The following GPC5 variants were observed in gnomAD, a reference collection of about 807,000 sequenced individuals.
GPC5 encodes the protein glypican 5, also known as glypican-5.
GPC5 carries 47 observed loss-of-function variants against 53.9 expected under a neutral mutation model. The ratio of observed to expected loss-of-function variants is 0.87; its 90% CI spans 0.69 to 1.11. The LOEUF (loss-of-function observed/expected upper bound fraction) is 1.11, where lower values mean the gene tolerates loss of function less well. Among genes scored for constraint, GPC5 ranks in the 50% most tolerant of loss-of-function variants. GPC5 has a pLI of 0.00. For missense variants in GPC5, 748 were observed against 713.1 expected (o/e 1.05, Z -0.56); for synonymous variants, 286 against 263.3 (o/e 1.09, Z -0.84).
chr13:92,565,336 T>A (rs1882830886), intron 7 of GPC5, among the ~76,000 whole-genome samples: 1 of 152,114 alleles, frequency 6.6e-6, no homozygotes, highest in African/African-American at 2.4e-5. Flanking sequence ...TTTATTTCTT[T>A]TCTTAAAGAT....
chr13:91,495,123 T>C (rs1473931003), intron 2 of GPC5, among the ~76,000 whole-genome samples: 1 of 152,224 alleles, frequency 6.6e-6, no homozygotes, highest in East Asian at 1.9e-4. Flanking sequence ...AATTCTATTC[T>C]GAAGTCATCC....
intron 6 of GPC5, among the ~76,000 whole-genome samples, chr13:92,028,597 C>T (rs774545608): frequency 2.0e-5 from 3 of 152,202 alleles, no homozygotes; most frequent in East Asian, 3.9e-4. Context: ...TATTTGGCTT[C>T]GGATTTCAGC....
intron 2 of GPC5, among the ~76,000 whole-genome samples, chr13:91,613,206 C>A (rs901741113): frequency 5.9e-5 from 9 of 152,152 alleles, no homozygotes; most frequent in African/African-American, 2.2e-4. Flanking sequence ...CACATCCCGG[C>A]AATTTATAAA....
chr13:91,570,525 A>T (rs192866493), intron 2 of GPC5, among the ~76,000 whole-genome samples: 5 of 152,310 alleles, frequency 3.3e-5, no homozygotes, highest in Non-Finnish European at 7.4e-5. Flanking sequence ...ATAGCTTTTT[A>T]ATGGGTGCCT....
chr13:92,168,149 C>T (rs2139017217), intron 7 of GPC5, among the ~76,000 whole-genome samples: 1 of 152,220 alleles, frequency 6.6e-6, no homozygotes, highest in Non-Finnish European at 1.5e-5. Flanking sequence ...AGGAGTCTGT[C>T]TACTTGGCCC....
At chr13:91,582,038 T>C (rs532704036) in intron 2 of GPC5, among the ~76,000 whole-genome samples, 1 of 152,268 alleles carries the variant, frequency 6.6e-6, no homozygotes, top group East Asian at 1.9e-4. Context: ...TTTCAGATTC[T>C]GGAAGAGGCA....
chr13:92,382,060 G>A (rs1249166970), intron 7 of GPC5, among the ~76,000 whole-genome samples: 1 of 151,268 alleles, frequency 6.6e-6, no homozygotes, highest in Non-Finnish European at 1.5e-5. Context: ...ATAACAGCAT[G>A]TGCAGTGACC....
intron 6 of GPC5, among the ~76,000 whole-genome samples, chr13:92,042,683 T>C (rs1010112588): frequency 1.3e-5 from 2 of 152,160 alleles, no homozygotes; most frequent in African/African-American, 4.8e-5. Flanking sequence ...ATTAAAACAA[T>C]TATGAGATAT....
chr13:92,859,838 C>A (rs1334471343), intron 7 of GPC5, among the ~76,000 whole-genome samples: 3 of 151,946 alleles, frequency 2.0e-5, no homozygotes, highest in African/African-American at 7.2e-5. Context: ...TGTTCTTTTG[C>A]TAAATTCTTC....
chr13:91,836,258 A>G (rs574460098), intron 5 of GPC5, among the ~76,000 whole-genome samples: 49 of 152,190 alleles, frequency 3.2e-4, no homozygotes, highest in African/African-American at 9.9e-4. Context: ...GAAAATCACT[A>G]CATTTAATAC....
intron 6 of GPC5, among the ~76,000 whole-genome samples, chr13:91,936,502 C>G (rs951457074): frequency 6.6e-6 from 1 of 152,014 alleles, no homozygotes; most frequent in Admixed American, 6.6e-5. Context: ...CCACAGAAAT[C>G]TAGCCAGAGT....
chr13:92,175,786 T>C (rs1480122023), intron 7 of GPC5, among the ~76,000 whole-genome samples: 1 of 149,346 alleles, frequency 6.7e-6, no homozygotes, highest in Non-Finnish European at 1.5e-5. Flanking sequence ...GTGATATTCC[T>C]CAAAGAAAAA....
intron 7 of GPC5, among the ~76,000 whole-genome samples, chr13:92,243,071 T>C (rs530493625): frequency 1.3e-5 from 2 of 152,314 alleles, no homozygotes; most frequent in East Asian, 1.9e-4. Flanking sequence ...AAATTTTCCT[T>C]TAGCTCTAAT....
intron 7 of GPC5, among the ~76,000 whole-genome samples, chr13:92,628,979 T>A (rs994123552): frequency 2.0e-5 from 3 of 152,156 alleles, no homozygotes; most frequent in Non-Finnish European, 4.4e-5. Flanking sequence ...CTCCTGATCT[T>A]CCTCCCATTA....
In GPC5 at chr13:92,309,412, GTTA is replaced by G. The variant is rs144862527; in HGVS notation, c.1561+164428_1561+164430del. On this transcript the variant is annotated intron_variant, in intron 7 of 7. Transcript: ENST00000377067. ...ACATATTAAACATATGGATTATTGTGTTATTATAAGACTAGCGAAATTTGAATG... is the reference window on the plus strand; with the variant it reads ...ACATATTAAACATATGGATTATTGTGTTATAAGACTAGCGAAATTTGAATG... 6.9e-3 allele frequency among the ~76,000 whole-genome samples: 1,055 copies of G among 152,134 alleles called. 12 individuals are homozygous for G. The highest frequency in any genetic ancestry group is 0.028 in the East Asian group (144 of 5,186).
At chr13:91,827,122 G>T (rs2038587870) in intron 5 of GPC5, among the ~76,000 whole-genome samples, 1 of 151,868 alleles carries the variant, frequency 6.6e-6, no homozygotes, top group Non-Finnish European at 1.5e-5. Flanking sequence ...TGTGGTGGAA[G>T]ATATCCCAAT....
At chr13:91,612,366 G>T (rs191339546) in intron 2 of GPC5, among the ~76,000 whole-genome samples, 1 of 152,128 alleles carries the variant, frequency 6.6e-6, no homozygotes, top group South Asian at 2.1e-4. Flanking sequence ...GCAGTAAGAC[G>T]CATCCAAAAG....
chr13:91,782,677 T>C (rs2037816962), intron 5 of GPC5, among the ~76,000 whole-genome samples: 1 of 152,180 alleles, frequency 6.6e-6, no homozygotes, highest in Admixed American at 6.5e-5. Context: ...GTGTACCTAA[T>C]TTATGAAACT....
At chr13:91,583,750 G>A (rs1322183217) in intron 2 of GPC5, among the ~76,000 whole-genome samples, 5 of 152,162 alleles carry the variant, frequency 3.3e-5, no homozygotes, top group Non-Finnish European at 7.4e-5. Context: ...TAAATTTCTT[G>A]ATTGCTGTGA....
Sources: allele counts gnomAD v4.1 joint callset (sites outside exome capture counted in the v4.1 genomes callset), GRCh38; gene constraint gnomAD v4.1.1; transcripts MANE v1.5; gene names NCBI Gene and HGNC (gene_info 2026-07-23, HGNC 2026-07-21).